Variants in CMSS1 observed in about 807,000 individuals in gnomAD.
The protein encoded by CMSS1 is cms1 ribosomal small subunit homolog.
In CMSS1, 33 loss-of-function variants were observed where a neutral mutation model predicts 43.5. The ratio of observed to expected loss-of-function variants is 0.76; its 90% CI spans 0.57 to 1.01. The LOEUF (loss-of-function observed/expected upper bound fraction) is 1.01. Ranked by LOEUF, CMSS1 falls within the 50% of genes least tolerant of loss-of-function variation. The pLI is 0.00. For missense variants in CMSS1, 313 were observed against 326.4 expected, an observed-to-expected ratio of 0.96 and a Z score of 0.32; for synonymous variants, 115 against 117.2, an observed-to-expected ratio of 0.98 and a Z score of 0.12.
At chr3:99,948,035 A>C (rs1197666973) in intron 1 of CMSS1, among the ~76,000 whole-genome samples, 1 of 151,188 alleles carries the variant, frequency 6.6e-6, no homozygotes, top group African/African-American at 2.4e-5. Context: ...GTGGTAAGAT[A>C]ATAAGTATTT....
chr3:100,151,582 C>T (rs949845062), intron 2 of CMSS1, among the ~76,000 whole-genome samples: 6 of 152,190 alleles, frequency 3.9e-5, no homozygotes, highest in African/African-American at 1.4e-4. Context: ...AAACCACAAT[C>T]TTTTTATAGT....
intron 1 of CMSS1, among the ~76,000 whole-genome samples, chr3:100,059,403 G>A (rs773563240): frequency 6.6e-6 from 1 of 152,134 alleles, no homozygotes; most frequent in South Asian, 2.1e-4. Flanking sequence ...CCTCATCTCC[G>A]TGATCATCAC....
At chr3:99,909,708 T>C (rs1460606312) in intron 1 of CMSS1, among the ~76,000 whole-genome samples, 1 of 152,236 alleles carries the variant, frequency 6.6e-6, no homozygotes, top group Non-Finnish European at 1.5e-5. Context: ...CTGCTAATTT[T>C]ATTTAACTCA....
intron 1 of CMSS1, among the ~76,000 whole-genome samples, chr3:100,108,919 G>T (rs1230022903): frequency 6.6e-6 from 1 of 152,018 alleles, no homozygotes; most frequent in African/African-American, 2.4e-5. Flanking sequence ...TCAGAAGCCA[G>T]CAGCTTCTGG....
At chr3:99,982,407 A>G (rs1204565848) in intron 1 of CMSS1, among the ~76,000 whole-genome samples, 3 of 151,842 alleles carry the variant, frequency 2.0e-5, no homozygotes, top group Non-Finnish European at 4.4e-5. Context: ...TGGCGCATTC[A>G]TGGCTCAAAC....
At chr3:99,869,547 C>T (rs1944685543) in intron 1 of CMSS1, among the ~76,000 whole-genome samples, 1 of 152,186 alleles carries the variant, frequency 6.6e-6, no homozygotes, top group African/African-American at 2.4e-5. Flanking sequence ...AACAGACTAA[C>T]AAGTTAAGAC....
intron 1 of CMSS1, among the ~76,000 whole-genome samples, chr3:99,882,521 A>G (rs536467008): frequency 6.6e-6 from 1 of 152,336 alleles, no homozygotes; most frequent in Non-Finnish European, 1.5e-5. Context: ...CTTTCATAAA[A>G]TCATATTTTA....
intron 8 of CMSS1, among the ~76,000 whole-genome samples, chr3:100,173,272 G>A (rs894894010): frequency 2.6e-5 from 4 of 152,172 alleles, no homozygotes; most frequent in Admixed American, 6.5e-5. Flanking sequence ...GGCTGCCCCT[G>A]ACAAGGAAGG....
At chr3:99,971,498 A>G (rs1249067700) in intron 1 of CMSS1, among the ~76,000 whole-genome samples, 7 of 152,220 alleles carry the variant, frequency 4.6e-5, no homozygotes, top group Non-Finnish European at 1.0e-4. Context: ...GGGACTCAGG[A>G]ATGAGGTCTC....
chr3:100,107,786 T>C (rs940228580), intron 1 of CMSS1, among the ~76,000 whole-genome samples: 1 of 151,832 alleles, frequency 6.6e-6, no homozygotes, highest in African/African-American at 2.4e-5. Flanking sequence ...CTCAGAATCC[T>C]CTGGACTGTG....
chr3:99,993,806 G>A lies in CMSS1; in HGVS notation c.65-153167G>A, dbSNP rs979298441. On this transcript the variant is annotated intron_variant, in intron 1 of 9. Coordinates refer to ENST00000421999, the MANE Select transcript of CMSS1 (RefSeq NM_032359.4). ...GATTTACATGTGTTGAACCATCCTT[G>A]CATCCCTGGGATAAATCGTACTTGA... Among the ~76,000 whole-genome samples, 5 of 152,154 alleles carry A rather than the reference G, an allele frequency of 3.3e-5. No homozygotes were observed. In the East Asian group the frequency reaches 7.7e-4, roughly 23 times the overall value.
chr3:100,172,367 G>A lies in CMSS1; in HGVS notation c.631G>A (p.Gly211Arg). 1 of 1,613,906 alleles carries A rather than the reference G, an allele frequency of 6.2e-7. No individual in the cohort carries two copies. Among genetic ancestry groups the A allele is most frequent in the South Asian group, 1.1e-5 (1 of 91,080 alleles). Residue 211 changes from glycine (G) to arginine (R), a missense_variant, in exon 8 of 10, where the codon GGA becomes AGA. Gly to Arg is a moderately radical substitution (Grantham distance 125). Coordinates refer to ENST00000421999, the MANE Select transcript of CMSS1 (RefSeq NM_032359.4). ...GAAGCGTGTGGTGCACCTGGGTGTA[G>A]GAACTCCGGGGAGAATTAAAGAACT... The part of the protein sequence containing the change: ...LEKRVVHLGV[G>R]TPGRIKELVK...
chr3:100,071,525 G>A (rs1319461479), intron 1 of CMSS1, among the ~76,000 whole-genome samples: 2 of 152,126 alleles, frequency 1.3e-5, no homozygotes, highest in Non-Finnish European at 2.9e-5. Flanking sequence ...AAGGGTGGGG[G>A]GCAGAGTACA....
rs71299385 is a variant in CMSS1 at position 100,056,701 on chromosome 3, TA to T, written c.65-90259del. ...CAACCAGGTAGCAGCTCTAGACCATTAAAAAAAAAAAAATGGGGCCGGGCGC... is the reference window on the plus strand; with the variant it reads ...CAACCAGGTAGCAGCTCTAGACCATTAAAAAAAAAAAATGGGGCCGGGCGC... On this transcript the variant is annotated intron_variant, in intron 1 of 9. Coordinates refer to ENST00000421999, the MANE Select transcript of CMSS1 (RefSeq NM_032359.4). 2.6e-3 allele frequency among the ~76,000 whole-genome samples: 383 copies of T among 145,126 alleles called. 1 individual carries two copies. The highest frequency in any genetic ancestry group is 3.7e-3 in the African/African-American group (145 of 39,450).
chr3:100,057,554 C>T (rs911134352), intron 1 of CMSS1, among the ~76,000 whole-genome samples: 1 of 152,198 alleles, frequency 6.6e-6, no homozygotes, highest in Non-Finnish European at 1.5e-5. Flanking sequence ...CGTGATATGT[C>T]TCTGTAAAAG....
intron 1 of CMSS1, among the ~76,000 whole-genome samples, chr3:99,847,045 C>T (rs1179476143): frequency 2.0e-5 from 3 of 152,128 alleles, no homozygotes; most frequent in African/African-American, 4.8e-5. Context: ...TAGGAGGATT[C>T]GGCTGAGTTA....
chr3:99,985,617 C>T (rs1174955951), intron 1 of CMSS1, among the ~76,000 whole-genome samples: 2 of 150,202 alleles, frequency 1.3e-5, no homozygotes, highest in Non-Finnish European at 3.0e-5. Flanking sequence ...GAGATAGAGT[C>T]TCGCTCTGTT....
At chr3:100,120,554 A>G (rs1366725302) in intron 1 of CMSS1, among the ~76,000 whole-genome samples, 1 of 152,218 alleles carries the variant, frequency 6.6e-6, no homozygotes, top group Non-Finnish European at 1.5e-5. Context: ...ATAAAGAGGT[A>G]TTATACCAAC....
At chr3:99,891,284 C>G (rs1706074881) in intron 1 of CMSS1, among the ~76,000 whole-genome samples, 1 of 152,106 alleles carries the variant, frequency 6.6e-6, no homozygotes, top group African/African-American at 2.4e-5. Context: ...GACAGTTTAG[C>G]TCTTTGAAAT....
Sources: gnomAD v4.1 joint callset for allele counts (sites outside exome capture counted in the v4.1 genomes callset) on GRCh38, gnomAD v4.1.1 for gene constraint, MANE v1.5 for transcripts, NCBI Gene and HGNC (gene_info 2026-07-23, HGNC 2026-07-21) for gene names.